Variants in COL10A1 observed in about 807,000 individuals in gnomAD.
COL10A1 encodes collagen alpha-1(X) chain.
Under a neutral mutation model 18.2 loss-of-function variants are expected in COL10A1, and 10 were observed. The observed-to-expected ratio is 0.55, with a 90% confidence interval of 0.34 to 0.93. COL10A1 has a LOEUF of 0.93. Ranked by LOEUF, COL10A1 falls within the 40% of genes least tolerant of loss-of-function variation. COL10A1 has a pLI of 0.02. For missense variants in COL10A1, 897 were observed against 853.5 expected, an observed-to-expected ratio of 1.05 and a Z score of -0.64; for synonymous variants, 330 against 316.6, an observed-to-expected ratio of 1.04 and a Z score of -0.45.
At chr6:116,154,823 G>T (rs539840822) in intron 1 of COL10A1, among the ~76,000 whole-genome samples, 1 of 152,108 alleles carries the variant, frequency 6.6e-6, no homozygotes, top group Non-Finnish European at 1.5e-5. Flanking sequence ...GAGGCATCTT[G>T]TTACTTTCTT....
chr6:116,176,832 C>G, the COL10A1 span, among the ~76,000 whole-genome samples: 1 of 152,162 alleles, frequency 6.6e-6, no homozygotes, highest in African/African-American at 2.4e-5. Flanking sequence ...CATCCCAAGT[C>G]TATTTTCCTC....
chr6:116,187,221 A>C, the COL10A1 span, among the ~76,000 whole-genome samples: 1 of 152,070 alleles, frequency 6.6e-6, no homozygotes, highest in African/African-American at 2.4e-5. Context: ...ATCTGTATTC[A>C]GGTCTCTTAG....
At chr6:116,122,805 GT>G (rs1372652630) in intron 2 of COL10A1, among the ~76,000 whole-genome samples, 2 of 152,026 alleles carry the variant, frequency 1.3e-5, no homozygotes, top group East Asian at 1.9e-4. Context: ...GAAAATAATT[GT>G]TTCAGATTTA....
intron 1 of COL10A1, among the ~76,000 whole-genome samples, chr6:116,137,744 A>G (rs1012495673): frequency 6.6e-6 from 1 of 152,202 alleles, no homozygotes; most frequent in Non-Finnish European, 1.5e-5. Context: ...ACCTGTTTAT[A>G]TGGAAAACCA....
chr6:116,178,314 T>C, the COL10A1 span, among the ~76,000 whole-genome samples: 1 of 152,142 alleles, frequency 6.6e-6, no homozygotes, highest in Non-Finnish European at 1.5e-5. Flanking sequence ...ATTGGGCGCA[T>C]TCAGGGTGGT....
chr6:116,180,450 G>C, the COL10A1 span, among the ~76,000 whole-genome samples: 4 of 152,068 alleles, frequency 2.6e-5, no homozygotes, highest in Non-Finnish European at 4.4e-5. Context: ...AATGGACCTA[G>C]GTAGTGATCA....
At chr6:116,208,200 C>T in the COL10A1 span, among the ~76,000 whole-genome samples, 1 of 152,026 alleles carries the variant, frequency 6.6e-6, no homozygotes, top group East Asian at 1.9e-4. Context: ...TAACTTTTTT[C>T]AAAGGAATAA....
At chr6:116,167,894 C>T in the COL10A1 span, among the ~76,000 whole-genome samples, 1 of 151,994 alleles carries the variant, frequency 6.6e-6, no homozygotes, top group Admixed American at 6.6e-5. Context: ...CACTTTCATT[C>T]TTAGAGAATA....
the COL10A1 span, among the ~76,000 whole-genome samples, chr6:116,178,408 C>G: frequency 6.6e-6 from 1 of 152,146 alleles, no homozygotes; most frequent in Admixed American, 6.6e-5. Context: ...TAGAAAGAAT[C>G]TGTAAACATC....
chr6:116,197,021 T>G, the COL10A1 span, among the ~76,000 whole-genome samples: 1 of 151,710 alleles, frequency 6.6e-6, no homozygotes, highest in African/African-American at 2.4e-5. Context: ...TGAGGGCTCC[T>G]CATTCTTCTA....
chr6:116,214,792 C>T, the COL10A1 span, among the ~76,000 whole-genome samples: 7 of 151,646 alleles, frequency 4.6e-5, no homozygotes, highest in African/African-American at 1.5e-4. Flanking sequence ...CTGTGTTGTG[C>T]ACATGTACCC....
intron 1 of COL10A1, among the ~76,000 whole-genome samples, chr6:116,140,197 C>T (rs1249068821): frequency 6.6e-6 from 1 of 152,114 alleles, no homozygotes; most frequent in African/African-American, 2.4e-5. Flanking sequence ...TTCAAGTATT[C>T]CTCTTCTGTT....
upstream of COL10A1, among the ~76,000 whole-genome samples, chr6:116,163,010 C>A (rs894642101): frequency 3.3e-5 from 5 of 150,962 alleles, no homozygotes; most frequent in Admixed American, 6.6e-5. Context: ...ACTTATAGTC[C>A]CAGCTACTCA....
At chr6:116,140,364 C>G (rs1779736750) in intron 1 of COL10A1, among the ~76,000 whole-genome samples, 1 of 152,112 alleles carries the variant, frequency 6.6e-6, no homozygotes, top group Non-Finnish European at 1.5e-5. Context: ...CACATCACAC[C>G]TCTCTTTTCT....
intron 2 of COL10A1, among the ~76,000 whole-genome samples, chr6:116,123,924 TA>T (rs1271541767): frequency 6.6e-6 from 1 of 152,220 alleles, no homozygotes. Flanking sequence ...ATTAAGGTGT[TA>T]AAAAGTCTGA....
the COL10A1 span, among the ~76,000 whole-genome samples, chr6:116,202,422 C>CT: frequency 2.6e-5 from 4 of 152,050 alleles, no homozygotes; most frequent in African/African-American, 2.4e-5. Context: ...TCGCCATACT[C>CT]TTTTTTAGGG....
chr6:116,164,132 A>C, the COL10A1 span, among the ~76,000 whole-genome samples: 1 of 152,064 alleles, frequency 6.6e-6, no homozygotes, highest in Admixed American at 6.5e-5. Context: ...TTTTAAGTCA[A>C]GTTTCTTTGA....
At chr6:116,216,155 A>T in the COL10A1 span, among the ~76,000 whole-genome samples, 11 of 152,238 alleles carry the variant, frequency 7.2e-5, no homozygotes, top group Middle Eastern at 3.4e-3. Flanking sequence ...GACATTTAAG[A>T]TAATTGGCAA....
the COL10A1 span, among the ~76,000 whole-genome samples, chr6:116,168,324 T>C: frequency 6.6e-6 from 1 of 152,068 alleles, no homozygotes; most frequent in East Asian, 1.9e-4. Flanking sequence ...TCTTTTAATC[T>C]CATTTCTAAC....
Sources: allele counts gnomAD v4.1 joint callset (sites outside exome capture counted in the v4.1 genomes callset), GRCh38; gene constraint gnomAD v4.1.1; transcripts MANE v1.5; gene names NCBI Gene and HGNC (gene_info 2026-07-23, HGNC 2026-07-21).